Variants in SGCZ observed in about 807,000 individuals in gnomAD.
SGCZ encodes sarcoglycan zeta.
Under a neutral mutation model 41.3 loss-of-function variants are expected in SGCZ, and 40 were observed. That is an observed-to-expected ratio of 0.97 (90% CI 0.75 to 1.26). The LOEUF (loss-of-function observed/expected upper bound fraction) is 1.26, where lower values mean the gene tolerates loss of function less well. Ranked by LOEUF, SGCZ falls within the 50% of genes most tolerant of loss-of-function variation. SGCZ has a pLI of 0.00. For missense variants in SGCZ, 552 were observed against 369.8 expected (o/e 1.49, Z -4.04); for synonymous variants, 206 against 137.5 (o/e 1.50, Z -3.49).
intron 1 of SGCZ, among the ~76,000 whole-genome samples, chr8:14,774,683 C>T (rs1364107232): frequency 1.3e-5 from 2 of 152,186 alleles, no homozygotes; most frequent in African/African-American, 2.4e-5. Flanking sequence ...TTTGACTTTG[C>T]TCAAAGTATT....
At chr8:14,852,433 A>T (rs895454420) in intron 1 of SGCZ, among the ~76,000 whole-genome samples, 1 of 152,236 alleles carries the variant, frequency 6.6e-6, no homozygotes, top group Non-Finnish European at 1.5e-5. Flanking sequence ...AGTAAACTGT[A>T]ACTCAAGAAA....
chr8:14,177,551 C>G (rs1475045384), intron 4 of SGCZ, among the ~76,000 whole-genome samples: 1 of 152,140 alleles, frequency 6.6e-6, no homozygotes, highest in African/African-American at 2.4e-5. Flanking sequence ...GTGCTGTCAC[C>G]CAGGCTGGAG....
chr8:14,505,694 T>C (rs1802284709), intron 2 of SGCZ, among the ~76,000 whole-genome samples: 1 of 152,170 alleles, frequency 6.6e-6, no homozygotes, highest in Admixed American at 6.6e-5. Context: ...AGTTAACCAC[T>C]GTGTTAGGAA....
chr8:14,789,244 A>G lies in SGCZ; in HGVS notation c.40-234318T>C, dbSNP rs535264122. ...GCAAAAAAAGTGTGATACTAAATAT[A>G]CCATGAAAAAATGTACTTGTTTACA... is the stretch of plus-strand genomic sequence containing the variant. On this transcript the variant is annotated intron_variant, in intron 1 of 7. Coordinates refer to ENST00000382080, the MANE Select transcript of SGCZ (RefSeq NM_139167.4). Among the ~76,000 whole-genome samples, 20 of 152,282 alleles carry G rather than the reference A, an allele frequency of 1.3e-4. No individual in the cohort carries two copies. The East Asian group carries it at 2.7e-3, about 21-fold the overall frequency.
chr8:14,113,399 T>C (rs185645173), intron 5 of SGCZ, among the ~76,000 whole-genome samples: 58 of 152,246 alleles, frequency 3.8e-4, no homozygotes, highest in African/African-American at 1.3e-3. Flanking sequence ...ATATTTTTAA[T>C]TATAACAGTT....
intron 2 of SGCZ, among the ~76,000 whole-genome samples, chr8:14,414,297 T>A (rs12056483): frequency 0.052 from 7,872 of 152,014 alleles, 464 homozygotes; most frequent in East Asian, 0.3. Context: ...ATCTAGACGT[T>A]ACTTAATTTA....
At chr8:14,518,406 G>A (rs970311553) in intron 2 of SGCZ, among the ~76,000 whole-genome samples, 6 of 151,906 alleles carry the variant, frequency 3.9e-5, no homozygotes, top group Middle Eastern at 3.2e-3. Flanking sequence ...ATAAATATCG[G>A]CCTATTTTCA....
At chr8:14,887,473 G>C (rs1804854038) in intron 1 of SGCZ, among the ~76,000 whole-genome samples, 1 of 152,050 alleles carries the variant, frequency 6.6e-6, no homozygotes, top group Non-Finnish European at 1.5e-5. Flanking sequence ...CCTTCATTCT[G>C]CATTAATTTG....
chr8:14,104,264 C>CAGTA (rs1436491791), intron 6 of SGCZ, among the ~76,000 whole-genome samples: 1 of 152,040 alleles, frequency 6.6e-6, no homozygotes, highest in Non-Finnish European at 1.5e-5. Flanking sequence ...GCAAATATAG[C>CAGTA]AGTAAGTTTC....
At chr8:14,678,820 C>T (rs1800013112) in intron 1 of SGCZ, among the ~76,000 whole-genome samples, 2 of 152,258 alleles carry the variant, frequency 1.3e-5, no homozygotes, top group Admixed American at 6.5e-5. Context: ...TACACTGGTA[C>T]ACCCAGATGA....
intron 1 of SGCZ, among the ~76,000 whole-genome samples, chr8:14,914,811 A>T (rs1443709276): frequency 6.6e-6 from 1 of 152,172 alleles, no homozygotes; most frequent in Non-Finnish European, 1.5e-5. Flanking sequence ...TACACTGGAG[A>T]GCTACTGTGG....
intron 7 of SGCZ, among the ~76,000 whole-genome samples, chr8:14,090,852 C>T (rs1213220022): frequency 3.9e-5 from 6 of 151,988 alleles, no homozygotes; most frequent in African/African-American, 1.4e-4. Context: ...TGCATTCTGA[C>T]AGAAAGCCCT....
intron 1 of SGCZ, among the ~76,000 whole-genome samples, chr8:15,059,259 A>C (rs1197976195): frequency 6.6e-6 from 1 of 152,190 alleles, no homozygotes; most frequent in Non-Finnish European, 1.5e-5. Context: ...ACTAACAAAA[A>C]TATTAACTGT....
At chr8:14,426,389 G>A (rs1404352857) in intron 2 of SGCZ, among the ~76,000 whole-genome samples, 1 of 151,994 alleles carries the variant, frequency 6.6e-6, no homozygotes, top group Non-Finnish European at 1.5e-5. Context: ...GTTAACAGAA[G>A]GTAGTTACTG....
At chr8:14,541,920 A>G (rs1011391440) in intron 2 of SGCZ, among the ~76,000 whole-genome samples, 3 of 152,100 alleles carry the variant, frequency 2.0e-5, no homozygotes, top group African/African-American at 7.2e-5. Flanking sequence ...TTGGCCACAA[A>G]TATGTCTTCT....
At chr8:14,309,255 T>G in intron 3 of SGCZ, 2 of 1,530,946 alleles carry the variant, frequency 1.3e-6, no homozygotes, top group Non-Finnish European at 1.8e-6. Flanking sequence ...TACAACCATA[T>G]CCAGTTGTCT....
intron 2 of SGCZ, among the ~76,000 whole-genome samples, chr8:14,457,067 T>C (rs766319070): frequency 1.3e-4 from 20 of 152,180 alleles, no homozygotes; most frequent in Non-Finnish European, 1.6e-4. Flanking sequence ...GCTGTTCCAG[T>C]ATAATAAAAT....
At chr8:15,101,683 C>T (rs1806620233) in intron 1 of SGCZ, among the ~76,000 whole-genome samples, 1 of 152,106 alleles carries the variant, frequency 6.6e-6, no homozygotes, top group South Asian at 2.1e-4. Flanking sequence ...GTAATCCCAG[C>T]ACTTTGCGAG....
intron 1 of SGCZ, among the ~76,000 whole-genome samples, chr8:14,999,448 G>C (rs1365383190): frequency 6.6e-6 from 1 of 151,992 alleles, no homozygotes; most frequent in Non-Finnish European, 1.5e-5. Flanking sequence ...AGGAAGAGGA[G>C]GAAAAAGTTC....
Sources: gnomAD v4.1 joint callset for allele counts (sites outside exome capture counted in the v4.1 genomes callset) on GRCh38, gnomAD v4.1.1 for gene constraint, MANE v1.5 for transcripts, NCBI Gene and HGNC (gene_info 2026-07-23, HGNC 2026-07-21) for gene names.